The following CSMD3 variants were observed in gnomAD, a reference collection of about 807,000 sequenced individuals.
The protein encoded by CSMD3 is CUB and Sushi multiple domains 3.
CSMD3 carries 177 observed loss-of-function variants against 435.2 expected under a neutral mutation model. The observed-to-expected ratio is 0.41, with a 90% confidence interval of 0.36 to 0.46. The LOEUF (loss-of-function observed/expected upper bound fraction) is 0.46. CSMD3 is among the 20% of genes least tolerant of loss of function. CSMD3 has a pLI of 0.34. For missense variants in CSMD3, 4,265 were observed against 4,504.6 expected, an observed-to-expected ratio of 0.95 and a Z score of 1.52; for synonymous variants, 1,656 against 1,520.5, an observed-to-expected ratio of 1.09 and a Z score of -2.07.
At chr8:112,373,710 T>C (rs1014457921) in intron 38 of CSMD3, among the ~76,000 whole-genome samples, 1 of 152,180 alleles carries the variant, frequency 6.6e-6, no homozygotes, top group Non-Finnish European at 1.5e-5. Flanking sequence ...GATGTTTCTC[T>C]ACCAAGAGAA....
intron 10 of CSMD3, among the ~76,000 whole-genome samples, chr8:112,889,793 T>C (rs914423117): frequency 1.1e-4 from 17 of 151,668 alleles, no homozygotes; most frequent in Non-Finnish European, 8.9e-5. Context: ...ATAAATCAAA[T>C]GAACTAAAAT....
At chr8:113,324,312 T>C (rs2093968696) in intron 1 of CSMD3, among the ~76,000 whole-genome samples, 1 of 152,146 alleles carries the variant, frequency 6.6e-6, no homozygotes, top group Admixed American at 6.5e-5. Flanking sequence ...ATTACAGGCC[T>C]TAAGACCTAG....
intron 1 of CSMD3, among the ~76,000 whole-genome samples, chr8:113,339,481 G>A (rs2132833585): frequency 6.6e-6 from 1 of 151,998 alleles, no homozygotes; most frequent in Non-Finnish European, 1.5e-5. Flanking sequence ...CTTCAGAAGA[G>A]GACAATTTTG....
chr8:112,238,599 T>G (rs761063992), intron 66 of CSMD3, among the ~76,000 whole-genome samples: 18 of 151,940 alleles, frequency 1.2e-4, no homozygotes, highest in South Asian at 1.0e-3. Flanking sequence ...TGATTTTAAA[T>G]GAAATACTGC....
intron 35 of CSMD3, among the ~76,000 whole-genome samples, chr8:112,391,241 A>G (rs1830386332): frequency 6.6e-6 from 1 of 152,186 alleles, no homozygotes; most frequent in Non-Finnish European, 1.5e-5. Context: ...TAACATTTAT[A>G]TAGAGCCTAC....
At chr8:113,136,004 T>G (rs891945449) in intron 4 of CSMD3, among the ~76,000 whole-genome samples, 5 of 151,902 alleles carry the variant, frequency 3.3e-5, no homozygotes, top group African/African-American at 1.2e-4. Flanking sequence ...CACTGTTAGA[T>G]ATTGAGAATG....
chr8:112,520,532 C>CA (rs1244598189), intron 27 of CSMD3, among the ~76,000 whole-genome samples: 3 of 150,972 alleles, frequency 2.0e-5, no homozygotes, highest in African/African-American at 4.9e-5. Context: ...AAGAATTGAC[C>CA]AAAAAAAATT....
At chr8:112,534,622 TC>T (rs1169068178) in intron 27 of CSMD3, among the ~76,000 whole-genome samples, 2 of 152,112 alleles carry the variant, frequency 1.3e-5, no homozygotes, top group Admixed American at 6.6e-5. Context: ...TTGGTACCAT[TC>T]CTTCTGAAAC....
chr8:113,253,390 C>T (rs2093351073), intron 3 of CSMD3, among the ~76,000 whole-genome samples: 1 of 152,072 alleles, frequency 6.6e-6, no homozygotes, highest in South Asian at 2.1e-4. Flanking sequence ...CTCCCCACCC[C>T]ACGACAGGCC....
chr8:112,607,662 A>G (rs1404319760), intron 22 of CSMD3, among the ~76,000 whole-genome samples: 8 of 152,306 alleles, frequency 5.3e-5, no homozygotes, highest in East Asian at 1.9e-4. Context: ...AGTTTACTGT[A>G]CAGATACTAA....
chr8:112,888,163 G>A (rs1241874625), intron 10 of CSMD3, among the ~76,000 whole-genome samples: 1 of 151,634 alleles, frequency 6.6e-6, no homozygotes, highest in African/African-American at 2.4e-5. Context: ...GAAATAATCT[G>A]AATTCCCTTT....
chr8:112,245,076 A>T (rs571709303), intron 64 of CSMD3, among the ~76,000 whole-genome samples: 13 of 152,048 alleles, frequency 8.5e-5, no homozygotes, highest in African/African-American at 2.9e-4. Flanking sequence ...ACAGCTAATT[A>T]TATTGCTCTG....
intron 13 of CSMD3, among the ~76,000 whole-genome samples, chr8:112,794,062 T>C (rs2078760927): frequency 6.6e-6 from 1 of 152,020 alleles, no homozygotes; most frequent in African/African-American, 2.4e-5. Context: ...ACCAAGTTCC[T>C]TTCAGGAACT....
At chr8:113,295,142 C>T (rs562541769) in intron 2 of CSMD3, among the ~76,000 whole-genome samples, 2 of 152,198 alleles carry the variant, frequency 1.3e-5, no homozygotes, top group Non-Finnish European at 2.9e-5. Context: ...ATGGGACATT[C>T]ATCACCCCAA....
intron 2 of CSMD3, among the ~76,000 whole-genome samples, chr8:113,296,003 T>C (rs568083550): frequency 4.6e-5 from 7 of 152,036 alleles, no homozygotes; most frequent in Non-Finnish European, 7.4e-5. Context: ...TGTAGGGACA[T>C]GGATGAAGGT....
chr8:113,140,167 A>G (rs1040260933), intron 4 of CSMD3, among the ~76,000 whole-genome samples: 1 of 151,126 alleles, frequency 6.6e-6, no homozygotes. Context: ...GACATTATAT[A>G]TAATGATATA....
intron 7 of CSMD3, among the ~76,000 whole-genome samples, chr8:112,968,760 A>G (rs1426801468): frequency 6.6e-6 from 1 of 152,002 alleles, no homozygotes; most frequent in Non-Finnish European, 1.5e-5. Context: ...TGAATTCACC[A>G]CTTGCTCAGT....
intron 18 of CSMD3, among the ~76,000 whole-genome samples, chr8:112,654,090 C>A (rs186771500): frequency 1.3e-5 from 2 of 152,214 alleles, no homozygotes; most frequent in East Asian, 3.9e-4. Flanking sequence ...GCAAGCATTC[C>A]TTCCTATAGG....
intron 2 of CSMD3, among the ~76,000 whole-genome samples, chr8:113,305,501 A>T (rs1303312161): frequency 6.6e-6 from 1 of 152,224 alleles, no homozygotes; most frequent in African/African-American, 2.4e-5. Flanking sequence ...GATTGAATAA[A>T]TATAATCTAA....
Sources: gnomAD v4.1 joint callset for allele counts (sites outside exome capture counted in the v4.1 genomes callset) on GRCh38, gnomAD v4.1.1 for gene constraint, MANE v1.5 for transcripts, NCBI Gene and HGNC (gene_info 2026-07-23, HGNC 2026-07-21) for gene names.